RABGAP1L: variants seen among roughly 807,000 people sequenced by gnomAD.
RABGAP1L encodes RAB GTPase activating protein 1 like.
Under a neutral mutation model 137.7 loss-of-function variants are expected in RABGAP1L, and 63 were observed. That is an observed-to-expected ratio of 0.46 (90% confidence interval 0.37 to 0.56). The LOEUF (loss-of-function observed/expected upper bound fraction) is 0.56. Ranked by LOEUF, RABGAP1L falls within the 20% of genes least tolerant of loss-of-function variation. The pLI is 0.00. For synonymous variants in RABGAP1L, 431 were observed against 433.7 expected, an observed-to-expected ratio of 0.99 and a Z score of 0.08; for missense variants, 1,095 against 1,244.0, an observed-to-expected ratio of 0.88 and a Z score of 1.80.
intron 12 of RABGAP1L, among the ~76,000 whole-genome samples, chr1:174,371,436 C>G (rs1685105097): frequency 6.6e-6 from 1 of 151,914 alleles, no homozygotes; most frequent in Non-Finnish European, 1.5e-5. Context: ...TTTTTTAAAA[C>G]CAAGTCTATT....
intron 13 of RABGAP1L, among the ~76,000 whole-genome samples, chr1:174,537,927 C>T (rs149402977): frequency 2.0e-5 from 3 of 152,152 alleles, no homozygotes; most frequent in Non-Finnish European, 2.9e-5. Flanking sequence ...CAGTTAGTTA[C>T]TCTCTTCCTT....
At chr1:174,949,284 CA>C (rs1027978726) in intron 19 of RABGAP1L, among the ~76,000 whole-genome samples, 1 of 152,068 alleles carries the variant, frequency 6.6e-6, no homozygotes, top group Non-Finnish European at 1.5e-5. Context: ...TTTGGCTGCC[CA>C]ATAGCAAAAA....
intron 19 of RABGAP1L, among the ~76,000 whole-genome samples, chr1:174,868,805 A>T (rs1651717804): frequency 6.6e-6 from 1 of 152,120 alleles, no homozygotes; most frequent in African/African-American, 2.4e-5. Flanking sequence ...CGCCCCACCC[A>T]GGCCTCCCTA....
At chr1:174,355,520 G>A (rs1683557863) in intron 11 of RABGAP1L, among the ~76,000 whole-genome samples, 1 of 150,530 alleles carries the variant, frequency 6.6e-6, no homozygotes, top group Non-Finnish European at 1.5e-5. Context: ...GCTAAATGAC[G>A]AATTAATGGG....
At chr1:174,800,388 A>T (rs1264828059) in intron 18 of RABGAP1L, 1 of 1,550,544 alleles carries the variant, frequency 6.4e-7, no homozygotes, top group South Asian at 1.2e-5. Context: ...CCTCCTGTCA[A>T]AAAGTCCCAG....
At chr1:174,915,623 A>G (rs1221759052) in intron 19 of RABGAP1L, among the ~76,000 whole-genome samples, 1 of 152,052 alleles carries the variant, frequency 6.6e-6, no homozygotes, top group Non-Finnish European at 1.5e-5. Flanking sequence ...CGTCCAGCTA[A>G]TTTTTGTATT....
intron 1 of RABGAP1L, among the ~76,000 whole-genome samples, chr1:174,194,213 C>T (rs915796071): frequency 6.6e-5 from 10 of 150,616 alleles, no homozygotes; most frequent in Non-Finnish European, 1.2e-4. Flanking sequence ...GGAGAATCTA[C>T]GGGATTAGGC....
chr1:174,601,156 T>C (rs1670379035), intron 13 of RABGAP1L, among the ~76,000 whole-genome samples: 1 of 152,206 alleles, frequency 6.6e-6, no homozygotes, highest in African/African-American at 2.4e-5. Context: ...CAGCCAGGGC[T>C]GGAGTGGCTG....
intron 20 of RABGAP1L, among the ~76,000 whole-genome samples, chr1:174,963,445 C>T (rs915954568): frequency 2.6e-5 from 4 of 152,072 alleles, no homozygotes; most frequent in Non-Finnish European, 4.4e-5. Flanking sequence ...ATACTTAACC[C>T]TTGGGGGAAG....
chr1:174,393,983 T>C lies in RABGAP1L; in HGVS notation c.1560-12T>C. The C allele has an allele frequency of 6.2e-7, 1 of 1,610,392 alleles. No homozygotes were observed. Among genetic ancestry groups the C allele is most frequent in the Non-Finnish European group, 8.5e-7 (1 of 1,178,582 alleles). On this transcript the variant is annotated splice_polypyrimidine_tract_variant and intron_variant, in intron 12 of 25. Transcript: ENST00000681986. ...AAGGAAGTGTGAATGGATTATTTTC[T>C]TGTCTTCTCAGGCACAGTAACCTTG...
At chr1:174,353,060 G>T (rs1221806381) in intron 11 of RABGAP1L, among the ~76,000 whole-genome samples, 1 of 152,134 alleles carries the variant, frequency 6.6e-6, no homozygotes, top group Admixed American at 6.5e-5. Flanking sequence ...CTCATCCATG[G>T]CCTGTGGCTC....
intron 19 of RABGAP1L, among the ~76,000 whole-genome samples, chr1:174,909,936 G>A (rs1357479863): frequency 6.6e-6 from 1 of 152,106 alleles, no homozygotes; most frequent in Non-Finnish European, 1.5e-5. Context: ...TCAGGAGATC[G>A]AAACCATCCT....
chr1:174,722,808 A>T (rs1441732693), intron 17 of RABGAP1L, among the ~76,000 whole-genome samples: 1 of 152,164 alleles, frequency 6.6e-6, no homozygotes, highest in Non-Finnish European at 1.5e-5. Flanking sequence ...TCTATGCCTT[A>T]GCCTGAAGGA....
intron 11 of RABGAP1L, among the ~76,000 whole-genome samples, chr1:174,330,503 T>G (rs976322326): frequency 6.6e-6 from 1 of 152,124 alleles, no homozygotes; most frequent in Non-Finnish European, 1.5e-5. Flanking sequence ...GAGGATTGCT[T>G]GGGCCCAGGA....
intron 1 of RABGAP1L, among the ~76,000 whole-genome samples, chr1:174,186,849 C>A (rs1666840667): frequency 6.6e-6 from 1 of 152,178 alleles, no homozygotes; most frequent in South Asian, 2.1e-4. Flanking sequence ...GGGCCAAGGC[C>A]TTCTGGCATT....
At chr1:174,426,942 C>T (rs1043169179) in intron 13 of RABGAP1L, among the ~76,000 whole-genome samples, 1 of 151,968 alleles carries the variant, frequency 6.6e-6, no homozygotes, top group Admixed American at 6.6e-5. Flanking sequence ...TCAATCATAA[C>T]AATATGTAAT....
At chr1:174,911,855 C>T (rs1660107049) in intron 19 of RABGAP1L, among the ~76,000 whole-genome samples, 2 of 152,174 alleles carry the variant, frequency 1.3e-5, no homozygotes, top group African/African-American at 4.8e-5. Context: ...CCAAATGAAA[C>T]AGATGACTGT....
At position 174,986,170 on chromosome 1, in the gene RABGAP1L, G is replaced by A. The variant is rs146472512; in HGVS notation, c.2806-2471G>A. Among the ~76,000 whole-genome samples the A allele has an allele frequency of 4.7e-3, 718 of 152,094 alleles. 8 individuals are homozygous for A. Among genetic ancestry groups the A allele is most frequent in the Middle Eastern group, 3.4e-3 (1 of 292 alleles). Reference sequence around the variant, plus strand: ...TCACCATGTTGGCCAGGCTGGTCTCGAACTCCTGACCTCATGTTCTACCCA... The same window carrying A: ...TCACCATGTTGGCCAGGCTGGTCTCAAACTCCTGACCTCATGTTCTACCCA... On this transcript the variant is annotated intron_variant, in intron 24 of 25. Coordinates refer to ENST00000681986, the MANE Select transcript of RABGAP1L (RefSeq NM_001366446.1).
At chr1:174,357,724 T>C (rs1231672356) in intron 11 of RABGAP1L, among the ~76,000 whole-genome samples, 1 of 152,210 alleles carries the variant, frequency 6.6e-6, no homozygotes, top group Non-Finnish European at 1.5e-5. Flanking sequence ...TTTAGCTATA[T>C]TAACCTGTCT....
Sources: gnomAD v4.1 joint callset for allele counts (sites outside exome capture counted in the v4.1 genomes callset) on GRCh38, gnomAD v4.1.1 for gene constraint, MANE v1.5 for transcripts, NCBI Gene and HGNC (gene_info 2026-07-23, HGNC 2026-07-21) for gene names.